Variants in TRIO observed in about 807,000 individuals in gnomAD.
The protein encoded by TRIO is trio Rho guanine nucleotide exchange factor.
Under a neutral mutation model 351.9 loss-of-function variants are expected in TRIO, and 58 were observed. That is an observed-to-expected ratio of 0.16 (90% CI 0.13 to 0.21). The LOEUF (loss-of-function observed/expected upper bound fraction) is 0.21, where lower values mean the gene tolerates loss of function less well. TRIO is among the 10% of genes least tolerant of loss of function. TRIO has a pLI of 1.00. For synonymous variants in TRIO, 1,758 were observed against 1,595.7 expected, an observed-to-expected ratio of 1.10 and a Z score of -2.42; for missense variants, 3,201 against 4,027.8, an observed-to-expected ratio of 0.79 and a Z score of 5.56.
At chr5:14,440,323 T>G (rs918196594) in intron 34 of TRIO, among the ~76,000 whole-genome samples, 4 of 152,164 alleles carry the variant, frequency 2.6e-5, no homozygotes, top group African/African-American at 9.7e-5. Context: ...CCAGGTCTAG[T>G]GTGGAGGGCA....
rs766438426 is a variant in TRIO, at chr5:14,406,573, G to A, written c.4860G>A (p.Arg1620=). 7.4e-6 allele frequency: 12 copies of A among 1,613,856 alleles called. No homozygotes were observed. The Admixed American group carries it at 1.8e-4, about 25-fold the overall frequency. ...ACTAAAAGTTTCTTTGCACCGCCAG[G>A]GATGGAGAGGATCTGGACAGCCAAG... ...TAPATRQKGR[R]DGEDLDSQGD... Residue 1620 remains arginine, a splice_region_variant and synonymous_variant, in exon 33 of 57, where the codon AGG becomes AGA. Transcript: ENST00000344204.
At chr5:14,302,318 T>C (rs1737973964) in intron 7 of TRIO, among the ~76,000 whole-genome samples, 1 of 152,256 alleles carries the variant, frequency 6.6e-6, no homozygotes, top group Non-Finnish European at 1.5e-5. Context: ...CTCTTGGTTT[T>C]GGGTGTTCTG....
chr5:14,234,109 A>G (rs543473809), intron 1 of TRIO, among the ~76,000 whole-genome samples: 12 of 152,250 alleles, frequency 7.9e-5, no homozygotes, highest in African/African-American at 2.9e-4. Flanking sequence ...AAGCTTTTTT[A>G]TCCTATACCA....
intron 1 of TRIO, among the ~76,000 whole-genome samples, chr5:14,173,821 C>T (rs1201003516): frequency 6.6e-6 from 1 of 152,182 alleles, no homozygotes; most frequent in Non-Finnish European, 1.5e-5. Context: ...CAGAGGTTTG[C>T]TTTGTTTTCC....
chr5:14,218,369 T>C (rs375036656), intron 1 of TRIO, among the ~76,000 whole-genome samples: 5 of 152,178 alleles, frequency 3.3e-5, no homozygotes, highest in African/African-American at 9.7e-5. Flanking sequence ...AAGACTGATA[T>C]TAAGAGCACA....
chr5:14,462,612 A>T, intron 35 of TRIO, 143 bp from the exon 36 acceptor site: 1 of 1,179,578 alleles, frequency 8.5e-7, no homozygotes, highest in Non-Finnish European at 1.2e-6. Context: ...AGAGAGGAAA[A>T]GTTACCATCG....
chr5:14,194,681 A>G (rs1404443460), intron 1 of TRIO, among the ~76,000 whole-genome samples: 2 of 152,234 alleles, frequency 1.3e-5, no homozygotes, highest in Admixed American at 6.5e-5. Context: ...GCTTTGTGGT[A>G]TGTTTAATAG....
chr5:14,373,397 T>G (rs1229624901), intron 18 of TRIO, among the ~76,000 whole-genome samples: 1 of 152,202 alleles, frequency 6.6e-6, no homozygotes, highest in South Asian at 2.1e-4. Context: ...ATGACTAGAC[T>G]GTGGGCTCTA....
chr5:14,427,605 G>C (rs1471477968), intron 34 of TRIO, among the ~76,000 whole-genome samples: 1 of 152,154 alleles, frequency 6.6e-6, no homozygotes, highest in African/African-American at 2.4e-5. Flanking sequence ...GTTGACAGAG[G>C]GATGCCCTCC....
intron 8 of TRIO, among the ~76,000 whole-genome samples, chr5:14,313,550 C>T (rs541014547): frequency 6.6e-6 from 1 of 152,266 alleles, no homozygotes; most frequent in East Asian, 1.9e-4. Context: ...GTTTAAGTTG[C>T]AAAACAATGG....
chr5:14,493,529 G>A (rs1427439283), intron 49 of TRIO, among the ~76,000 whole-genome samples: 2 of 152,160 alleles, frequency 1.3e-5, no homozygotes, highest in South Asian at 2.1e-4. Flanking sequence ...CATACAAGAT[G>A]CCAAACATAA....
intron 1 of TRIO, among the ~76,000 whole-genome samples, chr5:14,198,296 C>T (rs373657935): frequency 6.6e-6 from 1 of 152,200 alleles, no homozygotes; most frequent in African/African-American, 2.4e-5. Context: ...CCATTTCCCT[C>T]TCTCTGCTGT....
rs1169764474 is a variant in TRIO, at chr5:14,202,049, A to G, written c.157+58167A>G. 2.0e-5 allele frequency among the ~76,000 whole-genome samples: 3 copies of G among 151,748 alleles called. No homozygotes were observed. In the East Asian group the frequency reaches 5.8e-4, roughly 29 times the overall value. On this transcript the variant is annotated intron_variant, in intron 1 of 56. Coordinates refer to ENST00000344204, the MANE Select transcript of TRIO (RefSeq NM_007118.4). ...GAATTAATGGGCGCAGCACACCAAC[A>G]TGGCACATGTATACATATGTAACAA...
intron 11 of TRIO, among the ~76,000 whole-genome samples, chr5:14,356,244 T>G (rs981360834): frequency 2.0e-5 from 3 of 152,226 alleles, no homozygotes; most frequent in African/African-American, 7.2e-5. Context: ...TAGTATGGAA[T>G]TGATACTAAG....
intron 3 of TRIO, among the ~76,000 whole-genome samples, chr5:14,281,736 C>T (rs1397056978): frequency 6.6e-6 from 1 of 152,058 alleles, no homozygotes; most frequent in Non-Finnish European, 1.5e-5. Context: ...GCATCAGTGG[C>T]AGCCATGGTA....
At chr5:14,359,632 C>T in intron 13 of TRIO, 101 bp downstream of exon 13, 1 of 1,373,436 alleles carries the variant, frequency 7.3e-7, no homozygotes, top group Non-Finnish European at 1.0e-6. Context: ...GTCCTGTGTC[C>T]TCACCCACAC....
chr5:14,464,486 T>A (rs978544857), intron 36 of TRIO, among the ~76,000 whole-genome samples: 2 of 152,256 alleles, frequency 1.3e-5, no homozygotes, highest in Admixed American at 1.3e-4. Flanking sequence ...CTGTTTTCTC[T>A]TTTTGTAAAC....
intron 1 of TRIO, among the ~76,000 whole-genome samples, chr5:14,175,890 G>A (rs1468666700): frequency 6.6e-6 from 1 of 152,230 alleles, no homozygotes; most frequent in Non-Finnish European, 1.5e-5. Context: ...AAAGTGTCAT[G>A]TTACAGTAAA....
intron 1 of TRIO, among the ~76,000 whole-genome samples, chr5:14,209,297 A>G (rs1791734833): frequency 6.6e-6 from 1 of 152,216 alleles, no homozygotes; most frequent in East Asian, 1.9e-4. Context: ...CCTTTATGTC[A>G]GGAACTATAT....
Sources: gnomAD v4.1 joint callset for allele counts (sites outside exome capture counted in the v4.1 genomes callset) on GRCh38, gnomAD v4.1.1 for gene constraint, MANE v1.5 for transcripts, NCBI Gene and HGNC (gene_info 2026-07-23, HGNC 2026-07-21) for gene names.